Variants in EPHA6 observed in about 807,000 individuals in gnomAD.
EPHA6 encodes the protein ephrin type-A receptor 6.
A neutral mutation model predicts 112.0 loss-of-function variants in EPHA6; 50 were observed. The observed-to-expected ratio is 0.45, with a 90% CI of 0.36 to 0.56. EPHA6 has a LOEUF of 0.56. Ranked by LOEUF, EPHA6 falls within the 20% of genes least tolerant of loss-of-function variation. The probability of loss-of-function intolerance (pLI) is 0.00; values close to 1 mark genes in which losing one functional copy is unlikely to be tolerated. For missense variants in EPHA6, 1,280 were observed against 1,417.4 expected, an observed-to-expected ratio of 0.90 and a Z score of 1.56; for synonymous variants, 529 against 490.7, an observed-to-expected ratio of 1.08 and a Z score of -1.03.
At chr3:97,681,948 G>A (rs2031892150) in intron 14 of EPHA6, among the ~76,000 whole-genome samples, 1 of 151,992 alleles carries the variant, frequency 6.6e-6, no homozygotes, top group South Asian at 2.1e-4. Flanking sequence ...ATTTTAGAAA[G>A]ATATCTGCTA....
intron 5 of EPHA6, among the ~76,000 whole-genome samples, chr3:97,321,652 A>G (rs2082125628): frequency 6.6e-6 from 1 of 151,886 alleles, no homozygotes; most frequent in Non-Finnish European, 1.5e-5. Context: ...TTGCTTGGTT[A>G]GCTTTTTTAA....
intron 6 of EPHA6, chr3:97,439,655 A>G (rs1173298655): frequency 1.0e-6 from 1 of 998,876 alleles, no homozygotes; most frequent in East Asian, 8.2e-5. Context: ...CAGGAAAGCT[A>G]AGGTTGTTCA....
chr3:97,756,080 A>G lies in EPHA6; in HGVS notation c.*7379A>G, dbSNP rs967905595. 1.3e-5 allele frequency among the ~76,000 whole-genome samples: 2 copies of G among 152,012 alleles called. No homozygotes were observed. The highest frequency in any genetic ancestry group is 2.4e-5 in the African/African-American group (1 of 41,442). ...CATTCACTTAGAGAAGCCATAATAT[A>G]ATTCTTCATATTAGTTTATTTTTCA... On this transcript the variant is annotated 3_prime_UTR_variant, in exon 18 of 18. Transcript: ENST00000389672.
chr3:96,823,515 C>A (rs2033431194), intron 1 of EPHA6, among the ~76,000 whole-genome samples: 2 of 151,526 alleles, frequency 1.3e-5, no homozygotes, highest in South Asian at 2.1e-4. Flanking sequence ...CTCTTCTTTT[C>A]TTTCTCTTGA....
chr3:97,471,130 C>T (rs16838731), intron 7 of EPHA6, among the ~76,000 whole-genome samples: 28,736 of 151,536 alleles, frequency 0.19, 4,110 homozygotes, highest in African/African-American at 0.38. Flanking sequence ...TGGCAGGTAA[C>T]TTCATGGTTT....
intron 3 of EPHA6, among the ~76,000 whole-genome samples, chr3:97,013,399 C>CA (rs1360250881): frequency 1.3e-5 from 2 of 152,054 alleles, no homozygotes; most frequent in Non-Finnish European, 2.9e-5. Context: ...AGTAGGTTCT[C>CA]ATGTTTTTCT....
chr3:97,295,345 A>G (rs933012121), intron 5 of EPHA6, among the ~76,000 whole-genome samples: 2 of 151,782 alleles, frequency 1.3e-5, no homozygotes, highest in African/African-American at 4.8e-5. Flanking sequence ...CTTCTGCTTG[A>G]TCCAGTCTAT....
At chr3:97,492,134 T>C (rs996189943) in intron 10 of EPHA6, among the ~76,000 whole-genome samples, 1 of 150,596 alleles carries the variant, frequency 6.6e-6, no homozygotes. Context: ...TATGAATTCA[T>C]TTGCTATTTT....
intron 1 of EPHA6, among the ~76,000 whole-genome samples, chr3:96,843,657 T>C (rs995725521): frequency 4.6e-5 from 7 of 152,016 alleles, no homozygotes; most frequent in Non-Finnish European, 8.8e-5. Context: ...AGGATCGTGT[T>C]GGAGCGAGGA....
chr3:97,668,786 T>C (rs1480174300), intron 14 of EPHA6, among the ~76,000 whole-genome samples: 1 of 150,752 alleles, frequency 6.6e-6, no homozygotes, highest in East Asian at 2.0e-4. Flanking sequence ...TGGTGGAGAG[T>C]GCCTGTAGTC....
intron 17 of EPHA6, among the ~76,000 whole-genome samples, chr3:97,748,379 AC>A (rs2035801477): frequency 6.6e-6 from 1 of 152,042 alleles, no homozygotes; most frequent in Admixed American, 6.6e-5. Flanking sequence ...AAAGAAACAA[AC>A]TTTTGCTGCT....
At chr3:97,492,207 CTTAG>C (rs2091857881) in intron 10 of EPHA6, among the ~76,000 whole-genome samples, 1 of 151,972 alleles carries the variant, frequency 6.6e-6, no homozygotes, top group Non-Finnish European at 1.5e-5. Context: ...TCTTAATACT[CTTAG>C]TTAATCAGCC....
At chr3:97,542,629 C>G (rs973388848) in intron 11 of EPHA6, among the ~76,000 whole-genome samples, 1 of 152,180 alleles carries the variant, frequency 6.6e-6, no homozygotes, top group Non-Finnish European at 1.5e-5. Context: ...ATTCGTGGGT[C>G]AAATGGTATT....
chr3:97,682,696 A>G (rs1401248953), intron 14 of EPHA6, among the ~76,000 whole-genome samples: 1 of 152,146 alleles, frequency 6.6e-6, no homozygotes, highest in Non-Finnish European at 1.5e-5. Flanking sequence ...CAGTGTGAAC[A>G]CTAACACAGA....
At chr3:97,231,623 G>C (rs1396394252) in intron 4 of EPHA6, among the ~76,000 whole-genome samples, 1 of 152,164 alleles carries the variant, frequency 6.6e-6, no homozygotes, top group East Asian at 1.9e-4. Flanking sequence ...GGGATAGTAA[G>C]TGATTTTTAG....
intron 11 of EPHA6, among the ~76,000 whole-genome samples, chr3:97,547,924 T>C (rs540228811): frequency 6.6e-6 from 1 of 152,246 alleles, no homozygotes; most frequent in South Asian, 2.1e-4. Context: ...AAAAGCACAG[T>C]ATTAGGGTGG....
At chr3:97,142,686 A>G (rs1255126015) in intron 3 of EPHA6, among the ~76,000 whole-genome samples, 1 of 151,884 alleles carries the variant, frequency 6.6e-6, no homozygotes, top group Non-Finnish European at 1.5e-5. Flanking sequence ...ATCTTCCAAC[A>G]AAAGAAAAGC....
chr3:97,331,496 C>G (rs147834733), intron 5 of EPHA6, among the ~76,000 whole-genome samples: 1 of 151,810 alleles, frequency 6.6e-6, no homozygotes, highest in Non-Finnish European at 1.5e-5. Context: ...ATTGATAGAC[C>G]GCTAGCAAGA....
chr3:97,581,564 G>A (rs1201386141), intron 11 of EPHA6, among the ~76,000 whole-genome samples: 1 of 152,208 alleles, frequency 6.6e-6, no homozygotes, highest in Non-Finnish European at 1.5e-5. Flanking sequence ...AGAGAGAAAA[G>A]AGCCACAGAG....
Sources: allele counts gnomAD v4.1 joint callset (sites outside exome capture counted in the v4.1 genomes callset), GRCh38; gene constraint gnomAD v4.1.1; transcripts MANE v1.5; gene names NCBI Gene and HGNC (gene_info 2026-07-23, HGNC 2026-07-21).